Variants in TPR observed in about 807,000 individuals in gnomAD.
TPR encodes translocated promoter region, nuclear basket protein, also known as nucleoprotein TPR.
In TPR, 51 loss-of-function variants were observed where a neutral mutation model predicts 316.1. That is an observed-to-expected ratio of 0.16 (90% confidence interval 0.13 to 0.20). The LOEUF is 0.20. Ranked by LOEUF, TPR falls within the 10% of genes least tolerant of loss-of-function variation. The pLI, the probability that TPR is intolerant of heterozygous loss-of-function variation, is 1.00. For synonymous variants in TPR, 981 were observed against 914.7 expected (o/e 1.07, Z -1.31); for missense variants, 2,272 against 2,754.8 (o/e 0.82, Z 3.92).
chr1:186,328,580 A>G (rs1220481915), intron 39 of TPR, among the ~76,000 whole-genome samples: 1 of 152,182 alleles, frequency 6.6e-6, no homozygotes, highest in African/African-American at 2.4e-5. Flanking sequence ...TGGGTCTGCA[A>G]TGTTTAAACA....
rs2101986069 is a variant in TPR, at chr1:186,362,877, A to G, written c.656T>C (p.Ile219Thr). 1.2e-6 allele frequency: 2 copies of G among 1,606,442 alleles called. No individual in the cohort carries two copies. Among genetic ancestry groups the G allele is most frequent in the East Asian group, 2.2e-5 (1 of 44,692 alleles). ...LALGREKGNE[I>T]LELKCNLENK... The stretch of plus-strand genomic sequence containing the variant: ...TTCAAGATTACATTTAAGCTCTAGA[A>G]TCTCATTCCCTTTTTCTCTTCCAAG... The change falls in exon 6 of 51, where the codon ATT becomes ACT. Residue 219 changes from isoleucine (I) to threonine (T), a missense_variant. Ile to Thr is a moderately conservative substitution (Grantham distance 89, BLOSUM62 -1). This residue lies in a region of TPR where 549 missense variants were observed against 598.6 expected (regional missense o/e 0.92). Transcript: ENST00000367478.
At position 186,337,161 on chromosome 1, in the gene TPR, G is replaced by C. The variant is rs757219168; in HGVS notation, c.4363-5C>G. ...CTGAGCCGATGTCTCCATAACCTAA[G>C]ACAACAAACAGTAATAATACACTCA... On this transcript the variant is annotated splice_region_variant and splice_polypyrimidine_tract_variant and intron_variant, in intron 31 of 50. Transcript: ENST00000367478. 8 of 1,611,390 alleles carry C rather than the reference G, an allele frequency of 5.0e-6. No homozygotes were observed. The East Asian group carries it at 1.8e-4, about 36-fold the overall frequency.
rs769663852 is a variant in TPR at position 186,355,434 on chromosome 1, G to A, written c.2147C>T (p.Thr716Ile). 6.2e-7 allele frequency: 1 copy of A among 1,611,408 alleles called. No homozygotes were observed. The highest frequency in any genetic ancestry group is 1.3e-5 in the African/African-American group (1 of 74,666). Reference protein sequence around the residue: ...DLRSQNTKISTQLDFASKRYE... With the variant: ...DLRSQNTKISIQLDFASKRYE... ...CCGTTTAGAAGCAAAATCTAGCTGG[G>A]TAGAAATTTTGGTATTTTGTGATCG... Residue 716 changes from threonine (T) to isoleucine (I), a missense_variant, in exon 17 of 51, where the codon ACC becomes ATC. This residue lies in a region of TPR where 757 missense variants were observed against 859.8 expected (regional missense o/e 0.88). Coordinates refer to ENST00000367478, the MANE Select transcript of TPR (RefSeq NM_003292.3).
At chr1:186,348,069 T>C (rs1052340358) in intron 21 of TPR, among the ~76,000 whole-genome samples, 62 of 152,108 alleles carry the variant, frequency 4.1e-4, no homozygotes, top group African/African-American at 1.4e-3. Context: ...TAGCAATTTT[T>C]ATGGAACAAG....
In TPR at chr1:186,367,909, G is replaced by A. The variant is rs1474586915; in HGVS notation, c.404C>T (p.Ser135Phe). ...ACCTGTTAAGTATTCAAGTTCTTGA[G>A]ATAGTCTCTCATTGGTTCTAATTAA... ...RDLIRTNERL[S>F]QELEYLTEDV... The change falls in exon 4 of 51, where the codon TCT becomes TTT. Residue 135 changes from serine to phenylalanine, a missense_variant. This residue lies in a region of TPR where 549 missense variants were observed against 598.6 expected (regional missense o/e 0.92). Transcript: ENST00000367478. 6.2e-7 allele frequency: 1 copy of A among 1,610,550 alleles called. No homozygotes were observed. Among genetic ancestry groups the A allele is most frequent in the Non-Finnish European group, 8.5e-7 (1 of 1,178,836 alleles).
Position 186,338,235 on chromosome 1 carries a change from G to C in TPR, c.4160C>G (p.Ala1387Gly). The change falls in exon 31 of 51, where the codon GCA becomes GGA. Residue 1387 changes from alanine to glycine, a missense_variant. By Grantham distance (60) the Ala-to-Gly change is moderately conservative. Coordinates refer to ENST00000367478, the MANE Select transcript of TPR (RefSeq NM_003292.3). ...TAAGTTCTGGTTGTTAGTCAAAGAT[G>C]CATTTGATCTTTAAAAAATGGAGGA... is the stretch of plus-strand genomic sequence containing the variant. ...RLKAEIARSN[A>G]SLTNNQNLIQ... 1.3e-6 allele frequency: 2 copies of C among 1,593,720 alleles called. No homozygotes were observed. The highest frequency in any genetic ancestry group is 1.7e-6 in the Non-Finnish European group (2 of 1,173,888).
At chr1:186,373,957 T>C (rs1407640330) in intron 1 of TPR, among the ~76,000 whole-genome samples, 1 of 152,222 alleles carries the variant, frequency 6.6e-6, no homozygotes, top group East Asian at 1.9e-4. Flanking sequence ...TTCAGCATAG[T>C]ATCAGGAACA....
intron 21 of TPR, 128 bp downstream of exon 21, chr1:186,350,095 T>C: frequency 1.1e-6 from 1 of 929,700 alleles, no homozygotes; most frequent in Non-Finnish European, 1.5e-6. Context: ...AAAAGTTGGG[T>C]TTTTTTTTGT....
chr1:186,335,461 A>G lies in TPR; in HGVS notation c.4788T>C (p.Asp1596=), dbSNP rs1658311046. 6.2e-7 allele frequency: 1 copy of G among 1,613,604 alleles called. No homozygotes were observed. ...GGGACTTTAGCGCAGTAATGCGAACATCCAATTCATCTTTCTGCTGATCTA... is the reference window on the plus strand; with the variant it reads ...GGGACTTTAGCGCAGTAATGCGAACGTCCAATTCATCTTTCTGCTGATCTA... ...GALDQQKDEL[D]VRITALKSQY... Residue 1596 remains aspartate, a synonymous_variant, in exon 34 of 51, where the codon GAT becomes GAC. Transcript: ENST00000367478.
At chr1:186,333,532 T>A in intron 36 of TPR, 138 bp from the exon 37 acceptor site, 1 of 1,014,778 alleles carries the variant, frequency 9.9e-7, no homozygotes, top group Non-Finnish European at 1.4e-6. Context: ...GTAAAGGTAA[T>A]GTATTATGCA....
intron 21 of TPR, among the ~76,000 whole-genome samples, chr1:186,349,485 C>T (rs1018734099): frequency 4.0e-5 from 6 of 149,776 alleles, no homozygotes; most frequent in African/African-American, 1.5e-4. Flanking sequence ...AACCCCATCT[C>T]TACTAAAAAA....
Position 186,344,464 on chromosome 1 carries a change from G to A in TPR, c.3328C>T (p.Arg1110Cys), listed in dbSNP as rs747963329. Residue 1110 changes from arginine to cysteine, a missense_variant, in exon 25 of 51, where the codon CGT (arginine) becomes TGT (cysteine). Physicochemically the swap from Arg to Cys is radical, Grantham distance 180. Transcript: ENST00000367478. ...TGTGTTGTTTCTTCCAAATGCTGAC[G>A]GACTGATGCCATTTTTGAAACCTGC... ...KEQVSKMASV[R>C]QHLEETTQKA... 7.4e-6 allele frequency: 12 copies of A among 1,613,544 alleles called. No individual in the cohort carries two copies. The highest frequency in any genetic ancestry group is 5.3e-5 in the African/African-American group (4 of 74,886).
Position 186,341,159 on chromosome 1 carries a change from C to G in TPR, c.3889G>C (p.Val1297Leu). Residue 1297 changes from valine (V) to leucine (L), a missense_variant and splice_region_variant, in exon 29 of 51, where the codon GTG becomes CTG. By Grantham distance (32) the Val-to-Leu change is conservative. Coordinates refer to ENST00000367478, the MANE Select transcript of TPR (RefSeq NM_003292.3). ...AAAATATCTAACTCCAGTTTCCTCA[C>G]CTGAAAATCATGCCAATATTTAACA... ...EQDLQQMQAK[V>L]RKLELDILPL... 1 of 1,613,426 alleles carries G rather than the reference C, an allele frequency of 6.2e-7. No homozygotes were observed. The highest frequency in any genetic ancestry group is 1.1e-5 in the South Asian group (1 of 90,796).
rs371292153 is a variant in TPR, at chr1:186,362,395, T to C, written c.697-15A>G. On this transcript the variant is annotated splice_polypyrimidine_tract_variant and intron_variant, in intron 6 of 50. Transcript: ENST00000367478. ...AGTCTAGAAACCTAAAAACAAAAAA[T>C]AGAGCAGGGGGAAAGGATGTCATAT... 20 of 1,589,108 alleles carry C rather than the reference T, an allele frequency of 1.3e-5. No individual in the cohort carries two copies. The highest frequency in any genetic ancestry group is 2.2e-5 in the East Asian group (1 of 44,606).
chr1:186,337,222 T>G, intron 31 of TPR, 66 bp from the exon 32 acceptor site: 3 of 1,511,740 alleles, frequency 2.0e-6, no homozygotes, highest in Non-Finnish European at 2.7e-6. Context: ...TCTGCAAGTT[T>G]GTCTAAGAAA....
At chr1:186,364,455 T>C (rs1291634350) in intron 4 of TPR, among the ~76,000 whole-genome samples, 1 of 152,088 alleles carries the variant, frequency 6.6e-6, no homozygotes, top group Admixed American at 6.5e-5. Flanking sequence ...CATAAAAAAG[T>C]GCATTTCTGC....
At chr1:186,330,665 C>T (rs555997788) in intron 39 of TPR, among the ~76,000 whole-genome samples, 120 of 152,210 alleles carry the variant, frequency 7.9e-4, no homozygotes, top group African/African-American at 2.8e-3. Context: ...CCACACCTGT[C>T]CCTGCCCTGT....
rs745562530 is a variant in TPR at position 186,312,835 on chromosome 1, C to T, written c.*1136G>A. On this transcript the variant is annotated 3_prime_UTR_variant, in exon 51 of 51. Transcript: ENST00000367478. ...GGACTTCCAAATGTGGTTACCTCAG[C>T]TATATCACTGCCCAACATCAGAAAA... The T allele has an allele frequency of 6.2e-7, 1 of 1,611,716 alleles. No individual in the cohort carries two copies.
intron 46 of TPR, among the ~76,000 whole-genome samples, chr1:186,319,412 T>C (rs1657708293): frequency 1.3e-5 from 2 of 152,202 alleles, no homozygotes; most frequent in Admixed American, 6.5e-5. Flanking sequence ...TATCCAACTA[T>C]GGATGTTAAT....
Sources: allele counts gnomAD v4.1 joint callset (sites outside exome capture counted in the v4.1 genomes callset), GRCh38; gene constraint gnomAD v4.1.1; regional missense constraint gnomAD v4.1.1; transcripts MANE v1.5; gene names NCBI Gene and HGNC (gene_info 2026-07-23, HGNC 2026-07-21).